The following CASR variants were observed in gnomAD, a reference collection of about 807,000 sequenced individuals.
CASR encodes calcium sensing receptor.
In CASR, 23 loss-of-function variants were observed where a neutral mutation model predicts 69.1. That is an observed-to-expected ratio of 0.33 (90% CI 0.24 to 0.47). The LOEUF (loss-of-function observed/expected upper bound fraction) is 0.47, where lower values mean the gene tolerates loss of function less well. Ranked by LOEUF, CASR falls within the 20% of genes least tolerant of loss-of-function variation. CASR has a pLI of 1.00. For missense variants in CASR, 924 were observed against 1,356.1 expected (o/e 0.68, Z 5.00); for synonymous variants, 541 against 544.7 (o/e 0.99, Z 0.10).
At chr3:122,193,586 T>C (rs1000430468) in intron 1 of CASR, among the ~76,000 whole-genome samples, 1 of 152,220 alleles carries the variant, frequency 6.6e-6, no homozygotes, top group Non-Finnish European at 1.5e-5. Context: ...TTTATCAGTT[T>C]CTGAGTACCT....
chr3:122,276,576 G>GAAAGACACTGGAGCCCAA (rs1268210807), intron 5 of CASR, among the ~76,000 whole-genome samples: 1 of 152,220 alleles, frequency 6.6e-6, no homozygotes, highest in Non-Finnish European at 1.5e-5. Flanking sequence ...AACAGCCATT[G>GAAAGACACTGGAGCCCAA]AAAGACACTG....
intron 1 of CASR, among the ~76,000 whole-genome samples, chr3:122,221,362 G>GCCCCTCTTGTCTCAGCA (rs2074169492): frequency 6.6e-6 from 1 of 151,914 alleles, no homozygotes; most frequent in Non-Finnish European, 1.5e-5. Flanking sequence ...TTGTCTCAGC[G>GCCCCTCTTGTCTCAGCA]CAAGCCCCTC....
At chr3:122,282,015 G>T (rs2107648102) in intron 5 of CASR, 98 bp from the exon 6 acceptor site, 1 of 1,568,864 alleles carries the variant, frequency 6.4e-7, no homozygotes, top group East Asian at 2.3e-5. Flanking sequence ...TGATTCTTGT[G>T]CCCAAACTCC....
intron 1 of CASR, chr3:122,246,366 G>T (rs2074427667): frequency 6.6e-6 from 1 of 152,182 alleles, no homozygotes; most frequent in Non-Finnish European, 1.5e-5. Context: ...GGAAATCAGG[G>T]TAAAATATGT....
chr3:122,235,595 G>C (rs2074321575), intron 1 of CASR, among the ~76,000 whole-genome samples: 1 of 152,148 alleles, frequency 6.6e-6, no homozygotes, highest in South Asian at 2.1e-4. Flanking sequence ...AATAGTATCA[G>C]AAGAATCCTG....
chr3:122,252,484 G>A (rs1056800313), intron 1 of CASR, among the ~76,000 whole-genome samples: 8 of 105,326 alleles, frequency 7.6e-5, no homozygotes, highest in African/African-American at 1.1e-4. Flanking sequence ...AAGGGAGGGA[G>A]GGAAGGAAGG....
At chr3:122,269,991 ACCAC>A (rs2107638943) in intron 4 of CASR, among the ~76,000 whole-genome samples, 1 of 151,990 alleles carries the variant, frequency 6.6e-6, no homozygotes, top group East Asian at 1.9e-4. Context: ...ACAGGCATGC[ACCAC>A]CACCACCAGC....
intron 2 of CASR, among the ~76,000 whole-genome samples, chr3:122,256,726 T>C (rs1576853943): frequency 6.6e-6 from 1 of 152,186 alleles, no homozygotes; most frequent in African/African-American, 2.4e-5. Context: ...CAAGCAATTC[T>C]CCTGCCTCAG....
intron 1 of CASR, among the ~76,000 whole-genome samples, chr3:122,235,416 G>A (rs1304679311): frequency 6.6e-6 from 1 of 152,158 alleles, no homozygotes; most frequent in East Asian, 1.9e-4. Context: ...TTACAGCAAT[G>A]ACTTCTGAAC....
chr3:122,203,926 T>C (rs2073981542), intron 1 of CASR, among the ~76,000 whole-genome samples: 1 of 152,208 alleles, frequency 6.6e-6, no homozygotes, highest in African/African-American at 2.4e-5. Context: ...ATAAAGTTCT[T>C]ATACATCTTT....
chr3:122,192,874 T>A (rs995475762), intron 1 of CASR, among the ~76,000 whole-genome samples: 1 of 152,190 alleles, frequency 6.6e-6, no homozygotes, highest in Admixed American at 6.5e-5. Flanking sequence ...ACGATCCAGC[T>A]GCCTCTCCAG....
intron 1 of CASR, among the ~76,000 whole-genome samples, chr3:122,229,173 CTT>C (rs2074256414): frequency 6.6e-6 from 1 of 152,198 alleles, no homozygotes. Context: ...TGTAAACAGT[CTT>C]AAATAAAATA....
chr3:122,221,938 T>C (rs1283988104), intron 1 of CASR, among the ~76,000 whole-genome samples: 1 of 152,210 alleles, frequency 6.6e-6, no homozygotes, highest in Non-Finnish European at 1.5e-5. Flanking sequence ...CCCATTTCTT[T>C]TTATATCCAT....
In CASR at chr3:122,284,680, C is replaced by G. The variant is rs201067523; in HGVS notation, c.2726C>G (p.Thr909Ser). 1 of 1,613,472 alleles carries G rather than the reference C, an allele frequency of 6.2e-7. No individual in the cohort carries two copies. Among genetic ancestry groups the G allele is most frequent in the East Asian group, 2.2e-5 (1 of 44,870 alleles). The change falls in exon 7 of 7, where the codon ACC becomes AGC. Residue 909 changes from threonine to serine, a missense_variant. By Grantham distance (58) the Thr-to-Ser change is moderately conservative. Coordinates refer to ENST00000639785, the MANE Select transcript of CASR (RefSeq NM_000388.4). ...SSSLGGSTGS[T>S]PSSSISSKSN... ...AGCCTTGGAGGCTCCACGGGATCCA[C>G]CCCCTCCTCCTCCATCAGCAGCAAG...
At chr3:122,244,234 T>G (rs868735231) in intron 1 of CASR, among the ~76,000 whole-genome samples, 2 of 152,162 alleles carry the variant, frequency 1.3e-5, no homozygotes, top group Admixed American at 6.5e-5. Context: ...GGATACCCCA[T>G]TTACCATGAT....
chr3:122,236,705 A>C (rs2074332329), intron 1 of CASR, among the ~76,000 whole-genome samples: 1 of 152,232 alleles, frequency 6.6e-6, no homozygotes, highest in Non-Finnish European at 1.5e-5. Flanking sequence ...AGTGGGACGC[A>C]AATTCTTTTA....
intron 3 of CASR, among the ~76,000 whole-genome samples, chr3:122,259,602 C>T (rs958711280): frequency 1.3e-5 from 2 of 150,966 alleles, no homozygotes; most frequent in Non-Finnish European, 2.9e-5. Flanking sequence ...AGAAACTATC[C>T]ATCAATAAGA....
Position 122,253,990 on chromosome 3 carries a change from C to A in CASR, c.-200C>A. 1.6e-6 allele frequency: 1 copy of A among 638,004 alleles called. No homozygotes were observed. Among genetic ancestry groups the A allele is most frequent in the South Asian group, 1.8e-5 (1 of 57,046 alleles). The allele number at this position is 638,004 out of a possible 1,614,324, so 39.5% of individuals were successfully genotyped here. On this transcript the variant is annotated 5_prime_UTR_variant, in exon 2 of 7. Transcript: ENST00000639785. ...CTCTGCATGATGTGGCTTCCAAAGA[C>A]TCAAGGACCACCCACATTACAAGTC...
At chr3:122,217,963 G>A (rs2074133503) in intron 1 of CASR, among the ~76,000 whole-genome samples, 1 of 151,894 alleles carries the variant, frequency 6.6e-6, no homozygotes. Flanking sequence ...ATGAGGTTGG[G>A]GGTTGTAGGA....
Sources: allele counts gnomAD v4.1 joint callset (sites outside exome capture counted in the v4.1 genomes callset), GRCh38; gene constraint gnomAD v4.1.1; transcripts MANE v1.5; gene names NCBI Gene and HGNC (gene_info 2026-07-23, HGNC 2026-07-21).